Variants in EXOC2 observed in about 807,000 individuals in gnomAD.
EXOC2 encodes the protein exocyst complex component 2.
EXOC2 carries 70 observed loss-of-function variants against 131.8 expected under a neutral mutation model. That is an observed-to-expected ratio of 0.53 (90% CI 0.44 to 0.65). The LOEUF (loss-of-function observed/expected upper bound fraction) is 0.65. Ranked by LOEUF, EXOC2 falls within the 30% of genes least tolerant of loss-of-function variation. The probability of loss-of-function intolerance (pLI) is 0.00; values close to 1 mark genes in which losing one functional copy is unlikely to be tolerated. For synonymous variants in EXOC2, 411 were observed against 398.4 expected (o/e 1.03, Z -0.38); for missense variants, 923 against 1,108.6 (o/e 0.83, Z 2.38).
intron 11 of EXOC2, among the ~76,000 whole-genome samples, chr6:587,438 G>A (rs1000629627): frequency 5.9e-5 from 9 of 152,112 alleles, no homozygotes; most frequent in African/African-American, 1.7e-4. Flanking sequence ...TAGAGACGGG[G>A]TTTCACTGTG....
intron 12 of EXOC2, among the ~76,000 whole-genome samples, chr6:574,076 C>T (rs1318615286): frequency 6.6e-6 from 1 of 152,210 alleles, no homozygotes; most frequent in East Asian, 1.9e-4. Flanking sequence ...TTTCTCCCCA[C>T]AGTTATACTG....
At chr6:496,304 T>C (rs1763735682) in intron 25 of EXOC2, among the ~76,000 whole-genome samples, 2 of 152,268 alleles carry the variant, frequency 1.3e-5, no homozygotes, top group South Asian at 2.1e-4. Flanking sequence ...GTGAATGTTA[T>C]GCTGTGGAGA....
intron 11 of EXOC2, among the ~76,000 whole-genome samples, chr6:580,048 G>A (rs5873759): frequency 4.1e-5 from 6 of 146,790 alleles, no homozygotes; most frequent in Admixed American, 6.7e-5. Flanking sequence ...AGTTTTTTTT[G>A]TTTTTTTTTT....
chr6:555,816 TA>T (rs1757387963), intron 19 of EXOC2, 137 bp downstream of exon 19: 1 of 838,322 alleles, frequency 1.2e-6, no homozygotes, highest in Admixed American at 3.1e-5. Flanking sequence ...CCACTTACCT[TA>T]AACTATTATG....
chr6:585,174 C>A (rs1766854), intron 11 of EXOC2, among the ~76,000 whole-genome samples: 83,260 of 151,306 alleles, frequency 0.55, 22,978 homozygotes, highest in Middle Eastern at 0.63. Flanking sequence ...GGACAAACAC[C>A]ATAAACTCTT....
chr6:534,239 C>T (rs1448583414), intron 22 of EXOC2, among the ~76,000 whole-genome samples: 30 of 152,058 alleles, frequency 2.0e-4, no homozygotes, highest in Admixed American at 1.9e-3. Flanking sequence ...TAAAGAAATA[C>T]AAGCAGATAG....
chr6:545,303 AT>A (rs1167288815), intron 22 of EXOC2, among the ~76,000 whole-genome samples: 1 of 152,166 alleles, frequency 6.6e-6, no homozygotes, highest in African/African-American at 2.4e-5. Context: ...TTAAAAAAGT[AT>A]TTTATATATG....
intron 23 of EXOC2, among the ~76,000 whole-genome samples, chr6:531,027 T>C (rs1766045253): frequency 6.6e-6 from 1 of 152,342 alleles, no homozygotes; most frequent in East Asian, 1.9e-4. Context: ...ACTGGGAACT[T>C]GAGCATCCGT....
At chr6:649,331 A>C (rs555159154) in intron 1 of EXOC2, among the ~76,000 whole-genome samples, 1 of 152,344 alleles carries the variant, frequency 6.6e-6, no homozygotes, top group South Asian at 2.1e-4. Flanking sequence ...ATAATATACA[A>C]AGTACTAAAT....
intron 4 of EXOC2, among the ~76,000 whole-genome samples, chr6:623,297 G>A (rs938165837): frequency 6.6e-6 from 1 of 152,172 alleles, no homozygotes; most frequent in Non-Finnish European, 1.5e-5. Context: ...CGGATGCGTC[G>A]TTCCTTCAGG....
intron 25 of EXOC2, 25 bp from the exon 26 acceptor site, chr6:491,211 GACA>G (rs1352857806): frequency 1.9e-6 from 3 of 1,612,412 alleles, no homozygotes; most frequent in Non-Finnish European, 2.5e-6. Flanking sequence ...AAGACAAAGT[GACA>G]ACAGGAAAAT....
At chr6:624,975 T>C (rs748084443) in intron 4 of EXOC2, among the ~76,000 whole-genome samples, 2 of 152,208 alleles carry the variant, frequency 1.3e-5, no homozygotes, top group Non-Finnish European at 2.9e-5. Flanking sequence ...GGACTGAAAG[T>C]GACAGAGACC....
chr6:562,622 G>C (rs951101698), intron 17 of EXOC2, among the ~76,000 whole-genome samples, 162 bp downstream of exon 17: 1 of 152,202 alleles, frequency 6.6e-6, no homozygotes, highest in Non-Finnish European at 1.5e-5. Context: ...CAATATTTAT[G>C]GTTCGTGTTA....
chr6:583,945 A>T (rs1759060206), intron 11 of EXOC2, among the ~76,000 whole-genome samples: 1 of 152,212 alleles, frequency 6.6e-6, no homozygotes, highest in Non-Finnish European at 1.5e-5. Flanking sequence ...TCCTTTTTTT[A>T]AACCAACCTC....
chr6:634,944 T>A (rs1581599864), intron 2 of EXOC2, among the ~76,000 whole-genome samples: 1 of 152,238 alleles, frequency 6.6e-6, no homozygotes, highest in South Asian at 2.1e-4. Context: ...CAAGTGATTC[T>A]GTGCATATAA....
intron 11 of EXOC2, 22 bp downstream of exon 11, chr6:592,447 A>ACATTGGAAGAGAAATCCTTGCC: frequency 1.9e-6 from 3 of 1,590,922 alleles, no homozygotes; most frequent in Non-Finnish European, 2.6e-6. Flanking sequence ...ATCACACAAC[A>ACATTGGAAGAGAAATCCTTGCC]CATTGGAAGA....
intron 22 of EXOC2, among the ~76,000 whole-genome samples, chr6:542,769 G>A (rs1476764615): frequency 5.9e-5 from 9 of 152,180 alleles, no homozygotes; most frequent in African/African-American, 2.2e-4. Context: ...AATGAACAGA[G>A]AAAGTATATG....
At chr6:594,684 T>C (rs1759717898) in intron 10 of EXOC2, among the ~76,000 whole-genome samples, 1 of 152,228 alleles carries the variant, frequency 6.6e-6, no homozygotes, top group African/African-American at 2.4e-5. Flanking sequence ...AAAGACTTTT[T>C]CTATCATCTT....
At chr6:546,136 C>T (rs1756841229) in intron 22 of EXOC2, among the ~76,000 whole-genome samples, 1 of 151,062 alleles carries the variant, frequency 6.6e-6, no homozygotes, top group South Asian at 2.1e-4. Context: ...TTTTAGACTT[C>T]CCAATATTTT....
Sources: gnomAD v4.1 joint callset for allele counts (sites outside exome capture counted in the v4.1 genomes callset) on GRCh38, gnomAD v4.1.1 for gene constraint, MANE v1.5 for transcripts, NCBI Gene and HGNC (gene_info 2026-07-23, HGNC 2026-07-21) for gene names.